ANKFN1: variants seen among roughly 807,000 people sequenced by gnomAD.
ANKFN1 encodes ankyrin repeat and fibronectin type III domain containing 1.
In ANKFN1, 74 loss-of-function variants were observed where a neutral mutation model predicts 108.7. That is an observed-to-expected ratio of 0.68 (90% CI 0.56 to 0.83). The LOEUF (loss-of-function observed/expected upper bound fraction) is 0.83. Ranked by LOEUF, ANKFN1 falls within the 40% of genes least tolerant of loss-of-function variation. The pLI, the probability that ANKFN1 is intolerant of heterozygous loss-of-function variation, is 0.00. For synonymous variants in ANKFN1, 547 were observed against 516.2 expected, an observed-to-expected ratio of 1.06 and a Z score of -0.81; for missense variants, 1,505 against 1,382.3, an observed-to-expected ratio of 1.09 and a Z score of -1.41.
At chr17:56,215,444 G>A (rs1915352131) in intron 2 of ANKFN1, among the ~76,000 whole-genome samples, 1 of 152,204 alleles carries the variant, frequency 6.6e-6, no homozygotes, top group Admixed American at 6.5e-5. Flanking sequence ...CTGAGACAGA[G>A]GTGAGTTTTC....
Position 56,374,603 on chromosome 17 carries a change from GC to G in ANKFN1, c.803del (p.Pro268LeufsTer11), listed in dbSNP as rs1259714704. 6.2e-7 allele frequency: 1 copy of G among 1,612,118 alleles called. No homozygotes were observed. The highest frequency in any genetic ancestry group is 8.5e-7 in the Non-Finnish European group (1 of 1,178,542). On this transcript the variant is annotated frameshift_variant, in exon 8 of 21. Coordinates refer to ENST00000682825, the MANE Select transcript of ANKFN1 (RefSeq NM_001370326.1). LOFTEE classifies it high-confidence loss of function. ...TTGTGTTTTTCCTTCTGTCCCAGGAGCCCCTGAGATGCCAACCAATGTCTGT... is the reference window on the plus strand; with the variant it reads ...TTGTGTTTTTCCTTCTGTCCCAGGAGCCCTGAGATGCCAACCAATGTCTGT... ...RMKTGFEHARAPEMPTNVCLM... is the reference protein window; with the variant it reads ...RMKTGFEHARXPEMPTNVCLM...
intron 15 of ANKFN1, among the ~76,000 whole-genome samples, chr17:56,468,933 TG>T (rs2145306685): frequency 6.6e-6 from 1 of 152,250 alleles, no homozygotes; most frequent in African/African-American, 2.4e-5. Flanking sequence ...CATAATAAAT[TG>T]AGCTTTTACA....
intron 3 of ANKFN1, among the ~76,000 whole-genome samples, chr17:56,301,657 G>T (rs2044673395): frequency 6.6e-6 from 1 of 152,196 alleles, no homozygotes; most frequent in South Asian, 2.1e-4. Flanking sequence ...AAGACACAGA[G>T]CTTTGAAGGG....
At chr17:56,055,520 GTGTGTGTATGCCTAATGTGGTATA>G (rs1159038830) in intron 4 of ANKFN1, among the ~76,000 whole-genome samples, 59 of 133,776 alleles carry the variant, frequency 4.4e-4, no homozygotes, top group African/African-American at 1.6e-3. Flanking sequence ...CTGTGTGTGT[GTGTGTGTATGCCTAATGTGGTATA>G]TGTGTGTGTG....
intron 1 of ANKFN1, among the ~76,000 whole-genome samples, chr17:56,195,785 A>G (rs1237347257): frequency 6.6e-6 from 1 of 152,196 alleles, no homozygotes; most frequent in Non-Finnish European, 1.5e-5. Context: ...CTTCCATTCC[A>G]TAACAGGGCA....
At chr17:56,341,434 T>A (rs2045956014) in intron 4 of ANKFN1, among the ~76,000 whole-genome samples, 1 of 152,150 alleles carries the variant, frequency 6.6e-6, no homozygotes, top group African/African-American at 2.4e-5. Flanking sequence ...TGATGTTGGC[T>A]GTGAGTTTGT....
chr17:56,182,929 T>G (rs1911830477), intron 1 of ANKFN1, among the ~76,000 whole-genome samples: 1 of 152,192 alleles, frequency 6.6e-6, no homozygotes, highest in African/African-American at 2.4e-5. Context: ...TTGCCTGTAC[T>G]CTATAAATGG....
chr17:56,441,632 A>G (rs576014697), intron 9 of ANKFN1, among the ~76,000 whole-genome samples: 2 of 152,080 alleles, frequency 1.3e-5, no homozygotes, highest in South Asian at 2.1e-4. Context: ...AGAAAAAGTG[A>G]TATGTGATAA....
At chr17:56,368,161 C>A in intron 6 of ANKFN1, 3 of 1,354,482 alleles carry the variant, frequency 2.2e-6, no homozygotes, top group South Asian at 1.6e-5. Flanking sequence ...ACTGACTGAT[C>A]CAGAGAATGA....
rs550074777 is a variant in ANKFN1 at position 56,130,771 on chromosome 17, A to G, written c.288+84446A>G. Among the ~76,000 whole-genome samples the G allele has an allele frequency of 2.6e-5, 4 of 152,224 alleles. No individual in the cohort carries two copies. The South Asian group carries it at 8.3e-4, about 32-fold the overall frequency. On this transcript the variant is annotated intron_variant, in intron 4 of 12. Coordinates refer to the ANKFN1 transcript ENST00000635860. ...TCTTGGAGATGCAGCCTGAGAGTGT[A>G]TTCAGGCAGCTGGTGTTTTGCCCTC... is the stretch of plus-strand genomic sequence containing the variant.
At chr17:56,160,903 AGT>A (rs959384000) in intron 1 of ANKFN1, among the ~76,000 whole-genome samples, 73 of 152,228 alleles carry the variant, frequency 4.8e-4, no homozygotes, top group Non-Finnish European at 5.6e-4. Flanking sequence ...GACAAGAGAC[AGT>A]GGCACATAGT....
chr17:56,277,256 AGT>A lies in ANKFN1; in HGVS notation c.54-48964_54-48963del, dbSNP rs1262038966. 2.6e-5 allele frequency among the ~76,000 whole-genome samples: 4 copies of A among 152,336 alleles called. No individual in the cohort carries two copies. In the East Asian group the frequency reaches 7.7e-4, roughly 29 times the overall value. On this transcript the variant is annotated intron_variant, in intron 3 of 20. Transcript: ENST00000682825. The stretch of plus-strand genomic sequence containing the variant: ...TAAAGTAACTTTGATCTCATTCTAG[AGT>A]AATGACTAAGCACTTCCTAGACAAA...
At position 56,091,418 on chromosome 17, in the gene ANKFN1, TCACACACACACACACA is replaced by T. The variant is rs34588908; in HGVS notation, c.288+45122_288+45137del. On this transcript the variant is annotated intron_variant, in intron 4 of 12. Coordinates refer to the ANKFN1 transcript ENST00000635860. Reference sequence around the variant, plus strand: ...ATACTTCATTTTTCTTCCAAACAAATCACACACACACACACACACACACACACACACACACACACAC... The same window carrying T: ...ATACTTCATTTTTCTTCCAAACAAATCACACACACACACACACACACACAC... 2.0e-3 allele frequency among the ~76,000 whole-genome samples: 267 copies of T among 136,910 alleles called. 8 individuals carry two copies. The highest frequency in any genetic ancestry group is 6.6e-3 in the African/African-American group (246 of 37,176). 89.8% of individuals were successfully genotyped at this position (136,910 alleles called of 152,430 possible).
At chr17:56,101,190 A>G (rs1905640762) in intron 4 of ANKFN1, among the ~76,000 whole-genome samples, 1 of 152,186 alleles carries the variant, frequency 6.6e-6, no homozygotes, top group African/African-American at 2.4e-5. Context: ...GAGCTATGAG[A>G]AATAAATGTC....
chr17:56,133,876 C>T (rs1907439510), intron 4 of ANKFN1, among the ~76,000 whole-genome samples: 4 of 152,016 alleles, frequency 2.6e-5, no homozygotes, highest in African/African-American at 9.7e-5. Flanking sequence ...AGCAGTTCTC[C>T]AGCACACACC....
chr17:56,062,018 A>T (rs1312095929), intron 4 of ANKFN1, among the ~76,000 whole-genome samples: 2 of 152,122 alleles, frequency 1.3e-5, no homozygotes, highest in South Asian at 2.1e-4. Context: ...CATGTTATTC[A>T]ATTTCCATGT....
intron 7 of ANKFN1, 144 bp downstream of exon 7, chr17:56,372,984 A>G: frequency 1.3e-6 from 1 of 794,488 alleles, no homozygotes; most frequent in Non-Finnish European, 1.9e-6. Context: ...GGGCTCTGAG[A>G]GGCTGTCAAA....
chr17:56,211,388 G>A (rs1914986441), intron 1 of ANKFN1, among the ~76,000 whole-genome samples: 1 of 152,068 alleles, frequency 6.6e-6, no homozygotes, highest in Admixed American at 6.5e-5. Context: ...ATTTTTGTTT[G>A]TTTTGTCAAA....
chr17:56,352,710 AT>A (rs1408579789), intron 5 of ANKFN1, among the ~76,000 whole-genome samples: 1 of 152,172 alleles, frequency 6.6e-6, no homozygotes, highest in Non-Finnish European at 1.5e-5. Flanking sequence ...CCAATTTGCC[AT>A]CCAGCCATTG....
Sources: gnomAD v4.1 joint callset for allele counts (sites outside exome capture counted in the v4.1 genomes callset) on GRCh38, gnomAD v4.1.1 for gene constraint, MANE v1.5 for transcripts, NCBI Gene and HGNC (gene_info 2026-07-23, HGNC 2026-07-21) for gene names.